The following CRADD variants were observed in gnomAD, a reference collection of about 807,000 sequenced individuals.
CRADD encodes the protein CARD and death domain containing adaptor protein, also known as death domain-containing protein CRADD.
Under a neutral mutation model 15.5 loss-of-function variants are expected in CRADD, and 9 were observed. The ratio of observed to expected loss-of-function variants is 0.58; its 90% CI spans 0.35 to 1.01. CRADD has a LOEUF of 1.01. CRADD is among the 50% of genes least tolerant of loss of function. CRADD has a pLI of 0.02. For missense variants in CRADD, 227 were observed against 250.3 expected, an observed-to-expected ratio of 0.91 and a Z score of 0.63; for synonymous variants, 118 against 107.6, an observed-to-expected ratio of 1.10 and a Z score of -0.60.
intron 2 of CRADD, among the ~76,000 whole-genome samples, chr12:93,868,229 A>G (rs1958387257): frequency 6.6e-6 from 1 of 152,180 alleles, no homozygotes; most frequent in African/African-American, 2.4e-5. Flanking sequence ...AATAACGAAA[A>G]CTGAACACAA....
At chr12:93,695,424 A>C (rs553282867) in intron 2 of CRADD, among the ~76,000 whole-genome samples, 1 of 152,370 alleles carries the variant, frequency 6.6e-6, no homozygotes, top group South Asian at 2.1e-4. Flanking sequence ...ATATGACCCC[A>C]AAAGCACAAG....
intron 2 of CRADD, among the ~76,000 whole-genome samples, chr12:93,839,407 C>T (rs1040292167): frequency 3.3e-5 from 5 of 152,184 alleles, no homozygotes; most frequent in African/African-American, 4.8e-5. Flanking sequence ...GCACAAATAA[C>T]GAAGCTTTAC....
At chr12:93,836,479 A>G (rs1466561554) in intron 2 of CRADD, among the ~76,000 whole-genome samples, 1 of 152,104 alleles carries the variant, frequency 6.6e-6, no homozygotes, top group Admixed American at 6.5e-5. Context: ...TGAAACATGG[A>G]TGTGGGAAAG....
intron 2 of CRADD, among the ~76,000 whole-genome samples, chr12:93,726,820 C>G (rs1215069310): frequency 3.3e-5 from 5 of 152,002 alleles, no homozygotes. Flanking sequence ...TACTACAGCA[C>G]TCTAACAGAA....
chr12:93,883,907 G>A (rs770804661), intron 2 of CRADD, among the ~76,000 whole-genome samples: 5 of 152,158 alleles, frequency 3.3e-5, no homozygotes, highest in South Asian at 2.1e-4. Context: ...TGAAGGGTAC[G>A]TTCTGAGAAT....
intron 2 of CRADD, among the ~76,000 whole-genome samples, chr12:93,822,746 C>T (rs1036019119): frequency 6.6e-6 from 1 of 152,116 alleles, no homozygotes; most frequent in Non-Finnish European, 1.5e-5. Flanking sequence ...CTTCCTTTAT[C>T]CATGTAAAAG....
intron 2 of CRADD, among the ~76,000 whole-genome samples, chr12:93,822,276 T>C (rs1957777735): frequency 6.6e-6 from 1 of 152,188 alleles, no homozygotes; most frequent in Middle Eastern, 3.2e-3. Context: ...GTCATTTGCC[T>C]TGGGGAACAA....
intron 2 of CRADD, among the ~76,000 whole-genome samples, chr12:93,862,985 T>C (rs1413965763): frequency 1.3e-5 from 2 of 152,224 alleles, no homozygotes; most frequent in African/African-American, 4.8e-5. Context: ...CAATTCATGT[T>C]TACTGTTAGC....
At chr12:93,680,906 C>A (rs1197062317) in intron 2 of CRADD, among the ~76,000 whole-genome samples, 1 of 149,956 alleles carries the variant, frequency 6.7e-6, no homozygotes, top group Non-Finnish European at 1.5e-5. Flanking sequence ...TTTTTTGAGA[C>A]GGAGTTTCAC....
rs111965388 is a variant in CRADD, at chr12:93,834,740, G to A, written c.299-15230G>A. ...CCACCTCAGGTGATCCACCTGCCTC[G>A]GCCTCCCAAAGTGCTGGGATTACAG... On this transcript the variant is annotated intron_variant, in intron 2 of 2. Transcript: ENST00000332896. 7.9e-5 allele frequency among the ~76,000 whole-genome samples: 12 copies of A among 152,202 alleles called. 1 individual carries two copies. Among genetic ancestry groups the A allele is most frequent in the East Asian group, 3.9e-4 (2 of 5,176 alleles).
At chr12:93,854,882 C>G (rs901930141), downstream of CRADD, among the ~76,000 whole-genome samples, 1 of 152,172 alleles carries the variant, frequency 6.6e-6, no homozygotes, top group African/African-American at 2.4e-5. Context: ...CTTTTTAATA[C>G]TTTTTAAAAA....
At chr12:93,878,065 G>A (rs1459649036) in intron 2 of CRADD, among the ~76,000 whole-genome samples, 2 of 152,114 alleles carry the variant, frequency 1.3e-5, no homozygotes, top group African/African-American at 4.8e-5. Context: ...CAGTTAGTAG[G>A]TGATGAATGC....
intron 2 of CRADD, among the ~76,000 whole-genome samples, chr12:93,868,878 G>A (rs550125212): frequency 6.6e-6 from 1 of 152,300 alleles, no homozygotes; most frequent in African/African-American, 2.4e-5. Flanking sequence ...GAAGTGGGTT[G>A]TTGGGGGATC....
At chr12:93,698,467 T>C (rs1444329278) in intron 2 of CRADD, among the ~76,000 whole-genome samples, 1 of 152,204 alleles carries the variant, frequency 6.6e-6, no homozygotes, top group Non-Finnish European at 1.5e-5. Context: ...TTTCAACTAT[T>C]AGAGAGATAG....
intron 2 of CRADD, among the ~76,000 whole-genome samples, chr12:93,764,733 G>GTTT (rs3030258): frequency 6.8e-6 from 1 of 147,070 alleles, no homozygotes; most frequent in Non-Finnish European, 1.5e-5. Context: ...CATATTTTTG[G>GTTT]TTTTTTTTTT....
intron 2 of CRADD, among the ~76,000 whole-genome samples, chr12:93,820,310 AAAG>A (rs1160462681): frequency 6.6e-6 from 1 of 152,150 alleles, no homozygotes; most frequent in Admixed American, 6.5e-5. Flanking sequence ...TGATATAGAA[AAAG>A]CATGCTCCCC....
At chr12:93,739,910 C>T (rs554810931) in intron 2 of CRADD, among the ~76,000 whole-genome samples, 3 of 152,194 alleles carry the variant, frequency 2.0e-5, no homozygotes, top group East Asian at 1.9e-4. Context: ...TCCTCATTAC[C>T]AATCACCTTC....
At chr12:93,746,583 G>C (rs560914143) in intron 2 of CRADD, among the ~76,000 whole-genome samples, 43 of 152,208 alleles carry the variant, frequency 2.8e-4, no homozygotes, top group African/African-American at 1.0e-3. Context: ...CCCCAACCCG[G>C]GAATTAGTGG....
At chr12:93,751,455 T>C (rs1956827755) in intron 2 of CRADD, among the ~76,000 whole-genome samples, 1 of 152,198 alleles carries the variant, frequency 6.6e-6, no homozygotes, top group African/African-American at 2.4e-5. Flanking sequence ...AGATGACACA[T>C]AAAGACAAAA....
Sources: gnomAD v4.1 joint callset for allele counts (sites outside exome capture counted in the v4.1 genomes callset) on GRCh38, gnomAD v4.1.1 for gene constraint, MANE v1.5 for transcripts, NCBI Gene and HGNC (gene_info 2026-07-23, HGNC 2026-07-21) for gene names.